STARD9: variants seen among roughly 807,000 people sequenced by gnomAD.
STARD9 encodes stAR-related lipid transfer protein 9.
Under a neutral mutation model 399.8 loss-of-function variants are expected in STARD9, and 346 were observed. The ratio of observed to expected loss-of-function variants is 0.87; its 90% CI spans 0.79 to 0.95. The LOEUF is 0.95. STARD9 is among the 40% of genes least tolerant of loss of function. The pLI is 0.00. For missense variants in STARD9, 5,832 were observed against 5,667.5 expected, an observed-to-expected ratio of 1.03 and a Z score of -0.93; for synonymous variants, 2,203 against 2,143.5, an observed-to-expected ratio of 1.03 and a Z score of -0.77.
chr15:42,693,271 C>T lies in STARD9; in HGVS notation c.11693C>T (p.Ser3898Phe), dbSNP rs751312224. The T allele has an allele frequency of 1.6e-5, 25 of 1,537,008 alleles. No individual in the cohort carries two copies. The South Asian group carries it at 2.6e-4, about 16-fold the overall frequency. The change falls in exon 23 of 33, where the codon TCC becomes TTC. Residue 3898 changes from serine (S) to phenylalanine (F), a missense_variant. Around this residue, in one of 2 missense-constraint regions of STARD9, gnomAD observed 5,828 missense variants for 5,651.1 expected, o/e 1.03. Coordinates refer to ENST00000290607, the MANE Select transcript of STARD9 (RefSeq NM_020759.3). Reference protein sequence around the residue: ...PTSALFVDRASSPILTLSAST... With the variant: ...PTSALFVDRAFSPILTLSAST... ...AGTGCTTTGTTCGTGGACAGGGCCT[C>T]CTCCCCAATCCTCACTCTTAGTGCC... is the stretch of plus-strand genomic sequence containing the variant.
At chr15:42,651,997 T>C (rs1187842472) in intron 8 of STARD9, among the ~76,000 whole-genome samples, 1 of 152,250 alleles carries the variant, frequency 6.6e-6, no homozygotes, top group African/African-American at 2.4e-5. Flanking sequence ...GGCTTAAGCA[T>C]GATATTGATG....
Position 42,693,888 on chromosome 15 carries a change from T to C in STARD9, c.12310T>C (p.Leu4104=). ...TDTAGLRGSA[L]GLPQACQPEE... ...TACTGCAGGGCTCCGAGGTTCTGCC[T>C]TGGGCCTCCCTCAGGCCTGCCAACC... Residue 4104 remains leucine (L), a synonymous_variant, in exon 23 of 33, where the codon TTG becomes CTG. Transcript: ENST00000290607. 6.5e-7 allele frequency: 1 copy of C among 1,531,506 alleles called. No homozygotes were observed. The highest frequency in any genetic ancestry group is 1.4e-5 in the African/African-American group (1 of 73,090). The allele number at this position is 1,531,506 out of a possible 1,614,324, so 94.9% of individuals were successfully genotyped here. A position where few individuals can be genotyped will look rare whatever the true frequency, so the allele number is the denominator to read the frequency against.
chr15:42,592,029 TAAACCTC>T (rs2058406070), intron 3 of STARD9, among the ~76,000 whole-genome samples: 1 of 152,348 alleles, frequency 6.6e-6, no homozygotes, highest in African/African-American at 2.4e-5. Context: ...TCATTTCCAC[TAAACCTC>T]ACTGACTCTC....
chr15:42,688,444 A>T lies in STARD9; in HGVS notation c.6866A>T (p.Glu2289Val), dbSNP rs1256283823. Residue 2289 changes from glutamate to valine, a missense_variant, in exon 23 of 33, where the codon GAA (glutamate) becomes GTA (valine). Glu to Val is a moderately radical substitution (Grantham distance 121). This residue lies in a region of STARD9 where 5,828 missense variants were observed against 5,651.1 expected (regional missense o/e 1.03). Coordinates refer to ENST00000290607, the MANE Select transcript of STARD9 (RefSeq NM_020759.3). ...CAAAGGGGAGGCAGCCTTCAGGAAGAAAATAAAGTGACTCAGAAATTTCCT... is the reference window on the plus strand; with the variant it reads ...CAAAGGGGAGGCAGCCTTCAGGAAGTAAATAAAGTGACTCAGAAATTTCCT... ...PMQRGGSLQE[E>V]NKVTQKFPSL... 6.5e-7 allele frequency: 1 copy of T among 1,537,802 alleles called. No homozygotes were observed. Among genetic ancestry groups the T allele is most frequent in the East Asian group, 2.4e-5 (1 of 40,924 alleles).
rs2140312101 is a variant in STARD9 at position 42,695,869 on chromosome 15, C to A, written c.13273C>A (p.Pro4425Thr). Residue 4425 changes from proline (P) to threonine (T), a missense_variant, in exon 26 of 33, where the codon CCA becomes ACA. Physicochemically the swap from Pro to Thr is conservative, Grantham distance 38. Transcript: ENST00000290607. Reference protein sequence around the residue: ...SPALSGQLQFPENMGHTNLPD... With the variant: ...SPALSGQLQFTENMGHTNLPD... ...AGCCTTGTCAGGCCAGCTCCAGTTC[C>A]CAGAGAATATGGTGAGTAGGCAGAT... 1 of 1,537,080 alleles carries A rather than the reference C, an allele frequency of 6.5e-7. No homozygotes were observed. The highest frequency in any genetic ancestry group is 8.7e-7 in the Non-Finnish European group (1 of 1,146,784).
At chr15:42,649,274 C>A (rs566367419) in intron 7 of STARD9, among the ~76,000 whole-genome samples, 101 of 151,854 alleles carry the variant, frequency 6.7e-4, no homozygotes, top group African/African-American at 2.3e-3. Context: ...ATGATCCACC[C>A]GCCTCAGCCT....
chr15:42,674,091 G>A (rs1304051200), intron 16 of STARD9: 1 of 434,214 alleles, frequency 2.3e-6, no homozygotes, highest in East Asian at 6.4e-5. Context: ...TACTTTCTCG[G>A]ACTAGAGAAT....
At chr15:42,626,728 TC>T (rs2059233604) in intron 3 of STARD9, among the ~76,000 whole-genome samples, 1 of 151,500 alleles carries the variant, frequency 6.6e-6, no homozygotes, top group Admixed American at 6.6e-5. Context: ...GTCAGGCTGG[TC>T]TCGAACTCCT....
chr15:42,591,676 C>T (rs1488400795), intron 3 of STARD9, among the ~76,000 whole-genome samples: 1 of 152,128 alleles, frequency 6.6e-6, no homozygotes, highest in Non-Finnish European at 1.5e-5. Flanking sequence ...TTTACAGCCT[C>T]AAAAGATAGG....
chr15:42,611,538 G>A (rs1287472674), intron 3 of STARD9, among the ~76,000 whole-genome samples: 1 of 152,096 alleles, frequency 6.6e-6, no homozygotes, highest in African/African-American at 2.4e-5. Flanking sequence ...CTTGGGTTTT[G>A]CCTATGACTA....
chr15:42,616,151 C>G (rs965137535), intron 3 of STARD9, among the ~76,000 whole-genome samples: 4 of 151,898 alleles, frequency 2.6e-5, no homozygotes, highest in Non-Finnish European at 4.4e-5. Flanking sequence ...GTGGGTGAAA[C>G]TTGTGCAAAT....
chr15:42,602,232 A>G lies in STARD9; in HGVS notation c.234+16595A>G, dbSNP rs148320957. 1.1e-3 allele frequency among the ~76,000 whole-genome samples: 163 copies of G among 152,364 alleles called. 1 individual carries two copies. Among genetic ancestry groups the G allele is most frequent in the Non-Finnish European group, 1.6e-3 (111 of 68,040 alleles). On this transcript the variant is annotated intron_variant, in intron 3 of 32. Transcript: ENST00000290607. ...ATGGCAATAGTATGCTCTGGCTTCT[A>G]GAACATGGCTGGGTGACTTTATCTC...
intron 3 of STARD9, among the ~76,000 whole-genome samples, chr15:42,625,991 G>A (rs1039138288): frequency 6.6e-6 from 1 of 151,918 alleles, no homozygotes; most frequent in Non-Finnish European, 1.5e-5. Flanking sequence ...GTGCGATATC[G>A]GCTCACTGCA....
chr15:42,590,201 G>T (rs765680209), intron 3 of STARD9, among the ~76,000 whole-genome samples: 1 of 151,416 alleles, frequency 6.6e-6, no homozygotes. Context: ...GGGCTCAAAC[G>T]ATCTGCCTGC....
At chr15:42,695,027 C>G in intron 24 of STARD9, 113 bp from the exon 25 acceptor site, 1 of 930,264 alleles carries the variant, frequency 1.1e-6, no homozygotes, top group Non-Finnish European at 1.6e-6. Flanking sequence ...ACCCTGTGGG[C>G]AAATGGAGGT....
intron 1 of STARD9, among the ~76,000 whole-genome samples, chr15:42,578,056 A>C (rs1452534283): frequency 6.6e-6 from 1 of 151,966 alleles, no homozygotes; most frequent in Non-Finnish European, 1.5e-5. Context: ...GAAAAGTTGC[A>C]TTTGTGTCTC....
intron 16 of STARD9, chr15:42,670,187 C>G (rs2060177830): frequency 1.3e-5 from 2 of 152,372 alleles, no homozygotes; most frequent in South Asian, 4.1e-4. Flanking sequence ...AAACAGTACA[C>G]TTCCCACTTC....
chr15:42,690,072 C>G lies in STARD9; in HGVS notation c.8494C>G (p.Gln2832Glu), dbSNP rs149726667. ...QNSTSASGPK[Q>E]DHVQCPEAST... ...TTCTACAAGTGCCTCAGGGCCTAAG[C>G]AAGACCATGTCCAATGCCCTGAGGC... Residue 2832 changes from glutamine to glutamate, a missense_variant, in exon 23 of 33, where the codon CAA (glutamine) becomes GAA (glutamate). Gln to Glu is a conservative substitution (Grantham distance 29, BLOSUM62 2). This residue lies in a region of STARD9 where 5,828 missense variants were observed against 5,651.1 expected (regional missense o/e 1.03). Coordinates refer to ENST00000290607, the MANE Select transcript of STARD9 (RefSeq NM_020759.3). 2.0e-4 allele frequency: 304 copies of G among 1,537,578 alleles called. 1 individual carries two copies. The African/African-American group carries it at 3.6e-3, about 18-fold the overall frequency.
chr15:42,616,208 A>C (rs1436914469), intron 3 of STARD9, among the ~76,000 whole-genome samples: 1 of 152,202 alleles, frequency 6.6e-6, no homozygotes, highest in Non-Finnish European at 1.5e-5. Flanking sequence ...AGGCAAAAAG[A>C]CTCCAGAAAT....
Sources: gnomAD v4.1 joint callset for allele counts (sites outside exome capture counted in the v4.1 genomes callset) on GRCh38, gnomAD v4.1.1 for gene constraint, gnomAD v4.1.1 regional missense constraint, MANE v1.5 for transcripts, NCBI Gene and HGNC (gene_info 2026-07-23, HGNC 2026-07-21) for gene names.